Variants in ATP8A1 observed in about 807,000 individuals in gnomAD.
The protein encoded by ATP8A1 is phospholipid-transporting ATPase IA.
ATP8A1 carries 90 observed loss-of-function variants against 177.7 expected under a neutral mutation model. The observed-to-expected ratio is 0.51, with a 90% CI of 0.43 to 0.60. The LOEUF (loss-of-function observed/expected upper bound fraction) is 0.60. ATP8A1 is among the 20% of genes least tolerant of loss of function. The probability of loss-of-function intolerance (pLI) is 0.00; values close to 1 mark genes in which losing one functional copy is unlikely to be tolerated. For synonymous variants in ATP8A1, 493 were observed against 485.9 expected, an observed-to-expected ratio of 1.01 and a Z score of -0.19; for missense variants, 1,072 against 1,392.8, an observed-to-expected ratio of 0.77 and a Z score of 3.67.
intron 25 of ATP8A1, among the ~76,000 whole-genome samples, chr4:42,468,541 G>A (rs533315466): frequency 1.3e-5 from 2 of 152,106 alleles, no homozygotes; most frequent in Non-Finnish European, 2.9e-5. Flanking sequence ...AACCTGGATG[G>A]AACTGAAGAC....
intron 15 of ATP8A1, 105 bp from the exon 16 acceptor site, chr4:42,556,145 A>G: frequency 1.5e-6 from 1 of 648,160 alleles, no homozygotes; most frequent in Non-Finnish European, 2.5e-6. Context: ...CAAACCCTCA[A>G]TAAATTAAAT....
At chr4:42,435,456 A>AAAAAAAAAAC (rs1560320569) in intron 33 of ATP8A1, among the ~76,000 whole-genome samples, 22 of 101,062 alleles carry the variant, frequency 2.2e-4, no homozygotes, top group African/African-American at 6.4e-4. Context: ...AAAACAAAAA[A>AAAAAAAAAAC]AAAAAAACAA....
intron 24 of ATP8A1, among the ~76,000 whole-genome samples, chr4:42,498,808 G>A (rs754804173): frequency 6.6e-6 from 1 of 152,012 alleles, no homozygotes; most frequent in Non-Finnish European, 1.5e-5. Flanking sequence ...CATTATTCTT[G>A]TTTTACAAAT....
At chr4:42,455,664 T>G in intron 27 of ATP8A1, 65 bp from the exon 28 acceptor site, 1 of 1,407,028 alleles carries the variant, frequency 7.1e-7, no homozygotes, top group Non-Finnish European at 9.9e-7. Flanking sequence ...GCTTAGAATC[T>G]GTTGTATACT....
chr4:42,453,372 A>G (rs913859587), intron 29 of ATP8A1, among the ~76,000 whole-genome samples: 2 of 152,206 alleles, frequency 1.3e-5, no homozygotes, highest in Non-Finnish European at 2.9e-5. Flanking sequence ...ATCACTAGAA[A>G]AATCCATAAA....
intron 15 of ATP8A1, among the ~76,000 whole-genome samples, chr4:42,565,640 G>GA (rs1260957093): frequency 6.6e-6 from 1 of 152,214 alleles, no homozygotes; most frequent in East Asian, 1.9e-4. Flanking sequence ...AAACAGTTGA[G>GA]AAAAAACAAA....
chr4:42,433,073 T>C (rs1331029172), intron 33 of ATP8A1, among the ~76,000 whole-genome samples: 1 of 152,222 alleles, frequency 6.6e-6, no homozygotes, highest in Non-Finnish European at 1.5e-5. Flanking sequence ...ATGATGTTAA[T>C]GACATTCAGG....
rs4538527 is a variant in ATP8A1, at chr4:42,454,492, T to C, written c.2817+805A>G. The stretch of plus-strand genomic sequence containing the variant: ...AAGTGTATTTTATTTGTTGCTTTCA[T>C]AACACTAATATACAAATGTTAGTTT... On this transcript the variant is annotated intron_variant, in intron 29 of 36. Coordinates refer to ENST00000381668, the MANE Select transcript of ATP8A1 (RefSeq NM_006095.2). Among the ~76,000 whole-genome samples the C allele has an allele frequency of 9.6e-3, 1,462 of 152,346 alleles. 10 individuals carry two copies. Among genetic ancestry groups the C allele is most frequent in the Middle Eastern group, 0.048 (14 of 294 alleles).
intron 25 of ATP8A1, among the ~76,000 whole-genome samples, chr4:42,482,503 G>A (rs767104859): frequency 6.6e-6 from 1 of 152,082 alleles, no homozygotes; most frequent in African/African-American, 2.4e-5. Flanking sequence ...AATTTGGGGT[G>A]GGGGGATTAG....
chr4:42,522,828 T>C (rs543200019), intron 21 of ATP8A1, among the ~76,000 whole-genome samples: 23 of 152,304 alleles, frequency 1.5e-4, no homozygotes, highest in African/African-American at 5.3e-4. Flanking sequence ...CTCACCTAGA[T>C]ACCAAAGGCA....
At chr4:42,422,112 T>C (rs77933408) in intron 35 of ATP8A1, among the ~76,000 whole-genome samples, 3 of 152,248 alleles carry the variant, frequency 2.0e-5, no homozygotes, top group Middle Eastern at 3.4e-3. Context: ...TTTTCTGAGA[T>C]GGAGTCTCGC....
At chr4:42,606,126 T>C (rs1437095784) in intron 5 of ATP8A1, among the ~76,000 whole-genome samples, 1 of 152,252 alleles carries the variant, frequency 6.6e-6, no homozygotes, top group Non-Finnish European at 1.5e-5. Flanking sequence ...ATTTAACTCA[T>C]TTTTGGAAAA....
chr4:42,435,447 A>C lies in ATP8A1; in HGVS notation c.3123+8118T>G, dbSNP rs904916020. Among the ~76,000 whole-genome samples, 7 of 55,822 alleles carry C rather than the reference A, an allele frequency of 1.3e-4. 1 individual carries two copies. Among genetic ancestry groups the C allele is most frequent in the Admixed American group, 4.1e-4 (2 of 4,938 alleles). The allele number at this position is 55,822 out of a possible 152,430, so 36.6% of individuals were successfully genotyped here. On this transcript the variant is annotated intron_variant, in intron 33 of 36. Coordinates refer to ENST00000381668, the MANE Select transcript of ATP8A1 (RefSeq NM_006095.2). ...ATCTCAAAAAAAAAAAAAAAAAAAAAAACAAAAAAAAAAAAACAAACTATC... is the reference window on the plus strand; with the variant it reads ...ATCTCAAAAAAAAAAAAAAAAAAAACAACAAAAAAAAAAAAACAAACTATC...
At position 42,615,990 on chromosome 4, in the gene ATP8A1, G is replaced by A. The variant is rs772422681; in HGVS notation, c.409+43C>T. 2.5e-5 allele frequency: 38 copies of A among 1,546,330 alleles called. 1 individual carries two copies. In the Middle Eastern group the frequency reaches 6.8e-4, roughly 28 times the overall value. On this transcript the variant is annotated intron_variant, in intron 5 of 36. Coordinates refer to ENST00000381668, the MANE Select transcript of ATP8A1 (RefSeq NM_006095.2). ...ATTGAAGTGTTTGTATATACTACAAGTAGGTTTGACAAATATGAGAAAAAA... is the reference window on the plus strand; with the variant it reads ...ATTGAAGTGTTTGTATATACTACAAATAGGTTTGACAAATATGAGAAAAAA...
At chr4:42,636,148 ACACACACACG>A (rs1357482021) in intron 1 of ATP8A1, among the ~76,000 whole-genome samples, 1,264 of 31,844 alleles carry the variant, frequency 0.04, 28 homozygotes, top group African/African-American at 0.081. Context: ...ACACACACAC[ACACACACACG>A]CACACACACA....
At chr4:42,461,513 A>G (rs887786136) in intron 27 of ATP8A1, among the ~76,000 whole-genome samples, 1 of 152,150 alleles carries the variant, frequency 6.6e-6, no homozygotes, top group African/African-American at 2.4e-5. Flanking sequence ...CACCCATGTA[A>G]GACGTGACTT....
At chr4:42,515,467 G>A (rs1430617548) in intron 22 of ATP8A1, among the ~76,000 whole-genome samples, 2 of 152,192 alleles carry the variant, frequency 1.3e-5, no homozygotes, top group East Asian at 1.9e-4. Context: ...GTTGCCATAT[G>A]TTGCAAAGGG....
chr4:42,423,292 T>C (rs1176825657), intron 34 of ATP8A1, among the ~76,000 whole-genome samples: 1 of 152,154 alleles, frequency 6.6e-6, no homozygotes, highest in Non-Finnish European at 1.5e-5. Flanking sequence ...CTTTTTATAA[T>C]AAAAAATGTT....
At chr4:42,578,804 C>T (rs1329370901) in intron 11 of ATP8A1, among the ~76,000 whole-genome samples, 2 of 151,868 alleles carry the variant, frequency 1.3e-5, no homozygotes, top group African/African-American at 4.8e-5. Flanking sequence ...AAAAACAATC[C>T]AAACTATATG....
Sources: allele counts gnomAD v4.1 joint callset (sites outside exome capture counted in the v4.1 genomes callset), GRCh38; gene constraint gnomAD v4.1.1; transcripts MANE v1.5; gene names NCBI Gene and HGNC (gene_info 2026-07-23, HGNC 2026-07-21).